CACNA2D3: variants seen among roughly 807,000 people sequenced by gnomAD.
CACNA2D3 encodes the protein calcium voltage-gated channel auxiliary subunit alpha2delta 3.
CACNA2D3 carries 60 observed loss-of-function variants against 160.6 expected under a neutral mutation model. The ratio of observed to expected loss-of-function variants is 0.37; its 90% CI spans 0.30 to 0.46. The LOEUF is 0.46. Ranked by LOEUF, CACNA2D3 falls within the 20% of genes least tolerant of loss-of-function variation. The pLI, the probability that CACNA2D3 is intolerant of heterozygous loss-of-function variation, is 1.00. For missense variants in CACNA2D3, 1,205 were observed against 1,365.0 expected, an observed-to-expected ratio of 0.88 and a Z score of 1.85; for synonymous variants, 558 against 492.9, an observed-to-expected ratio of 1.13 and a Z score of -1.75.
intron 4 of CACNA2D3, among the ~76,000 whole-genome samples, chr3:54,458,641 C>G (rs1700442084): frequency 6.6e-6 from 1 of 151,988 alleles, no homozygotes; most frequent in African/African-American, 2.4e-5. Context: ...TACAGTGTGC[C>G]TCAGAGAGGA....
chr3:54,822,790 C>CTTT (rs1491160047), intron 14 of CACNA2D3, among the ~76,000 whole-genome samples: 6,233 of 69,540 alleles, frequency 0.09, 294 homozygotes, highest in Non-Finnish European at 0.1. Context: ...TTCTTTCTTT[C>CTTT]CTTTCTTTCT....
At chr3:54,438,816 T>G (rs1015505179) in intron 4 of CACNA2D3, among the ~76,000 whole-genome samples, 2 of 152,228 alleles carry the variant, frequency 1.3e-5, no homozygotes, top group Admixed American at 1.3e-4. Context: ...ATGTACTTGA[T>G]CTAAGCTTTA....
At chr3:54,173,110 T>G (rs1208820349) in intron 2 of CACNA2D3, among the ~76,000 whole-genome samples, 1 of 152,166 alleles carries the variant, frequency 6.6e-6, no homozygotes, top group African/African-American at 2.4e-5. Context: ...TGAAGCCCAT[T>G]CCTCCACCTT....
chr3:54,187,260 G>T (rs1175338028), intron 2 of CACNA2D3, among the ~76,000 whole-genome samples: 2 of 152,192 alleles, frequency 1.3e-5, no homozygotes, highest in Non-Finnish European at 2.9e-5. Context: ...GGCTGTCTTA[G>T]ATGTTAGCAA....
At chr3:54,969,870 C>T in intron 29 of CACNA2D3, 26 bp downstream of exon 29, 9 of 1,607,158 alleles carry the variant, frequency 5.6e-6, no homozygotes, top group East Asian at 4.5e-5. Context: ...GGTCCTGTTT[C>T]TACCCCTGTG....
At chr3:54,182,090 A>G (rs9809064) in intron 2 of CACNA2D3, among the ~76,000 whole-genome samples, 81,565 of 151,910 alleles carry the variant, frequency 0.54, 22,336 homozygotes, top group African/African-American at 0.64. Flanking sequence ...AGATTGCCCC[A>G]GAGCTGAAGT....
chr3:54,680,249 C>T (rs1700317839), intron 11 of CACNA2D3, among the ~76,000 whole-genome samples: 1 of 152,132 alleles, frequency 6.6e-6, no homozygotes, highest in Non-Finnish European at 1.5e-5. Context: ...ATACATTCAC[C>T]TAATTGTGGA....
At chr3:54,664,130 C>T (rs1700022860) in intron 11 of CACNA2D3, among the ~76,000 whole-genome samples, 2 of 152,216 alleles carry the variant, frequency 1.3e-5, no homozygotes, top group South Asian at 4.1e-4. Flanking sequence ...CCCCAAGGGC[C>T]AGCTTCAGGC....
At chr3:54,191,807 C>A (rs1700988346) in intron 2 of CACNA2D3, among the ~76,000 whole-genome samples, 1 of 152,246 alleles carries the variant, frequency 6.6e-6, no homozygotes, top group South Asian at 2.1e-4. Context: ...CTGCGCAGGG[C>A]TGCCGTGAAG....
intron 27 of CACNA2D3, among the ~76,000 whole-genome samples, chr3:54,941,506 T>C (rs184914196): frequency 6.6e-6 from 1 of 152,284 alleles, no homozygotes; most frequent in East Asian, 1.9e-4. Context: ...TTGTTCATCG[T>C]TTTTATAATG....
At chr3:54,757,518 T>C (rs1162553202) in intron 12 of CACNA2D3, among the ~76,000 whole-genome samples, 1 of 152,198 alleles carries the variant, frequency 6.6e-6, no homozygotes, top group Non-Finnish European at 1.5e-5. Flanking sequence ...AAAGTGGCAA[T>C]TAAAACATTT....
chr3:55,041,624 TTGG>T (rs1250641933), intron 35 of CACNA2D3, among the ~76,000 whole-genome samples: 1 of 152,110 alleles, frequency 6.6e-6, no homozygotes, highest in Non-Finnish European at 1.5e-5. Flanking sequence ...AAATCATTCT[TTGG>T]TGTTTAAAAA....
At chr3:54,233,397 C>T (rs1281030904) in intron 2 of CACNA2D3, among the ~76,000 whole-genome samples, 1 of 152,166 alleles carries the variant, frequency 6.6e-6, no homozygotes, top group Non-Finnish European at 1.5e-5. Flanking sequence ...AGGGTGAGCA[C>T]CACACAGAGG....
intron 2 of CACNA2D3, among the ~76,000 whole-genome samples, chr3:54,211,821 AT>A (rs1482046401): frequency 6.6e-6 from 1 of 152,190 alleles, no homozygotes; most frequent in Non-Finnish European, 1.5e-5. Flanking sequence ...TTTTATAAAA[AT>A]ATATTATAAA....
At chr3:54,613,287 C>T (rs1333294110) in intron 9 of CACNA2D3, among the ~76,000 whole-genome samples, 1 of 152,178 alleles carries the variant, frequency 6.6e-6, no homozygotes, top group Non-Finnish European at 1.5e-5. Context: ...AAAAAAGTTT[C>T]CTGTATTGGT....
At chr3:54,657,544 C>T (rs562026788) in intron 11 of CACNA2D3, among the ~76,000 whole-genome samples, 3 of 152,278 alleles carry the variant, frequency 2.0e-5, no homozygotes, top group East Asian at 1.9e-4. Context: ...CTCTCCCTGC[C>T]GGCCCCTAGT....
intron 2 of CACNA2D3, among the ~76,000 whole-genome samples, chr3:54,293,147 G>T (rs1313775268): frequency 6.6e-6 from 1 of 152,174 alleles, no homozygotes; most frequent in African/African-American, 2.4e-5. Flanking sequence ...ACAGAAAGTA[G>T]AATAGAGGTT....
chr3:54,958,354 C>G (rs961892444), intron 27 of CACNA2D3, among the ~76,000 whole-genome samples: 44 of 152,192 alleles, frequency 2.9e-4, no homozygotes, highest in African/African-American at 1.1e-3. Flanking sequence ...GATTGTGCCA[C>G]TGCACTCCAG....
chr3:54,567,554 GAGA>G (rs1387714392), intron 6 of CACNA2D3, among the ~76,000 whole-genome samples: 2 of 152,062 alleles, frequency 1.3e-5, no homozygotes, highest in African/African-American at 4.8e-5. Flanking sequence ...TTTGTTTTTT[GAGA>G]AGGAGTCTTA....
Sources: gnomAD v4.1 joint callset for allele counts (sites outside exome capture counted in the v4.1 genomes callset) on GRCh38, gnomAD v4.1.1 for gene constraint, MANE v1.5 for transcripts, NCBI Gene and HGNC (gene_info 2026-07-23, HGNC 2026-07-21) for gene names.